The following GRM5 variants were observed in gnomAD, a reference collection of about 807,000 sequenced individuals.
GRM5 encodes metabotropic glutamate receptor 5.
GRM5 carries 19 observed loss-of-function variants against 83.1 expected under a neutral mutation model. The observed-to-expected ratio is 0.23, with a 90% CI of 0.16 to 0.34. The LOEUF is 0.34. Ranked by LOEUF, GRM5 falls within the 10% of genes least tolerant of loss-of-function variation. The probability of loss-of-function intolerance (pLI) is 1.00; values close to 1 mark genes in which losing one functional copy is unlikely to be tolerated. For synonymous variants in GRM5, 675 were observed against 633.6 expected (o/e 1.07, Z -0.98); for missense variants, 1,160 against 1,588.3 (o/e 0.73, Z 4.58).
At chr11:88,509,540 A>G in intron 9 of GRM5, 36 bp from the exon 10 acceptor site, 1 of 1,543,786 alleles carries the variant, frequency 6.5e-7, no homozygotes, top group Non-Finnish European at 8.9e-7. Context: ...TGACTCAGCG[A>G]GGTGCCCAGG....
chr11:89,061,785 G>A (rs369136174), intron 1 of GRM5, among the ~76,000 whole-genome samples: 4 of 152,146 alleles, frequency 2.6e-5, no homozygotes, highest in Non-Finnish European at 5.9e-5. Flanking sequence ...AAATCATCTC[G>A]ACACATCCTT....
In GRM5 at chr11:88,509,307, C is replaced by T. The variant is rs931276676; in HGVS notation, c.2924G>A (p.Gly975Glu). The change falls in exon 10 of 10, where the codon GGG (glycine) becomes GAG (glutamate). Residue 975 changes from glycine (G) to glutamate (E), a missense_variant. This residue lies in a region of GRM5 where 562 missense variants were observed against 532.4 expected (regional missense o/e 1.06). Transcript: ENST00000305447. ...TGCGCAGCCCGCACCGCCCGTGGCC[C>T]CCACGCCCCCAGCGCTCCCGCCTGC... Reference protein sequence around the residue: ...AGAGGSAGGVGATGGAGCAGA... With the variant: ...AGAGGSAGGVEATGGAGCAGA... The T allele has an allele frequency of 1.3e-6, 2 of 1,563,632 alleles. No individual in the cohort carries two copies. Among genetic ancestry groups the T allele is most frequent in the Admixed American group, 1.9e-5 (1 of 53,672 alleles).
chr11:88,913,584 TCTC>T lies in GRM5; in HGVS notation c.662-63432_662-63430del, dbSNP rs150644780. ...TCTTCTTTTTTTTTCCTTCTCTCTC[TCTC>T]TTTTTTTTTTTTTTTTTTAGGTGGA... On this transcript the variant is annotated intron_variant, in intron 2 of 9. Transcript: ENST00000305447. Among the ~76,000 whole-genome samples, 967 of 113,870 alleles carry T rather than the reference TCTC, an allele frequency of 8.5e-3. 10 individuals carry two copies. Among genetic ancestry groups the T allele is most frequent in the African/African-American group, 0.031 (922 of 29,504 alleles). 74.7% of individuals were successfully genotyped at this position (113,870 alleles called of 152,430 possible). A position where few individuals can be genotyped will look rare whatever the true frequency, so the allele number is the denominator to read the frequency against.
chr11:89,062,687 A>G (rs1942018932), intron 1 of GRM5, among the ~76,000 whole-genome samples: 1 of 152,144 alleles, frequency 6.6e-6, no homozygotes, highest in South Asian at 2.1e-4. Context: ...CCACACAGCA[A>G]CTCCTCTGAA....
chr11:88,614,740 C>T (rs1938422831), intron 4 of GRM5, among the ~76,000 whole-genome samples: 1 of 152,128 alleles, frequency 6.6e-6, no homozygotes, highest in Non-Finnish European at 1.5e-5. Flanking sequence ...TAGACCTGCA[C>T]AGCAGAAACT....
chr11:88,845,874 T>C (rs1167199238), intron 3 of GRM5, among the ~76,000 whole-genome samples: 2 of 152,228 alleles, frequency 1.3e-5, no homozygotes. Flanking sequence ...GAATTTGGAA[T>C]AGACATTCTT....
At chr11:88,601,008 G>A (rs949439131) in intron 5 of GRM5, among the ~76,000 whole-genome samples, 5 of 152,046 alleles carry the variant, frequency 3.3e-5, no homozygotes, top group Non-Finnish European at 7.4e-5. Flanking sequence ...AATGTGAATG[G>A]CACCTAATAA....
chr11:88,665,815 G>C (rs1264803778), intron 3 of GRM5, among the ~76,000 whole-genome samples: 1 of 35,880 alleles, frequency 2.8e-5, no homozygotes, highest in African/African-American at 4.0e-5. Context: ...TTGTCAGAAA[G>C]CTATCTAGTC....
intron 8 of GRM5, among the ~76,000 whole-genome samples, chr11:88,530,257 G>A (rs186527980): frequency 6.6e-4 from 101 of 152,020 alleles, no homozygotes; most frequent in African/African-American, 2.4e-3. Context: ...GGAGTTTAAG[G>A]CTCTTCAATC....
At chr11:89,000,773 C>T (rs1465534016) in intron 2 of GRM5, among the ~76,000 whole-genome samples, 1 of 151,876 alleles carries the variant, frequency 6.6e-6, no homozygotes, top group Non-Finnish European at 1.5e-5. Context: ...AAAAAATAAG[C>T]TACAGACTGG....
intron 4 of GRM5, among the ~76,000 whole-genome samples, chr11:88,611,854 C>A (rs1469914086): frequency 6.6e-6 from 1 of 151,736 alleles, no homozygotes; most frequent in African/African-American, 2.4e-5. Context: ...TTGATGTAGG[C>A]ATTTAGTGCT....
At chr11:88,667,048 GAAGT>G (rs1441250402) in intron 3 of GRM5, among the ~76,000 whole-genome samples, 5 of 152,118 alleles carry the variant, frequency 3.3e-5, no homozygotes, top group African/African-American at 7.2e-5. Flanking sequence ...AAAAGTCAGA[GAAGT>G]AAGTTGAAAG....
intron 3 of GRM5, among the ~76,000 whole-genome samples, chr11:88,833,751 T>C (rs964358087): frequency 1.3e-5 from 2 of 152,140 alleles, no homozygotes; most frequent in Admixed American, 6.5e-5. Context: ...TTAAGAAATG[T>C]GGTATATGTA....
intron 4 of GRM5, among the ~76,000 whole-genome samples, chr11:88,618,207 T>TA (rs888662561): frequency 3.0e-4 from 46 of 151,870 alleles, no homozygotes; most frequent in Non-Finnish European, 5.0e-4. Context: ...TGCCTATACT[T>TA]AAAAAAAAAT....
chr11:88,736,707 G>A (rs1385983532), intron 3 of GRM5, among the ~76,000 whole-genome samples: 3 of 151,964 alleles, frequency 2.0e-5, no homozygotes. Flanking sequence ...AGGGGATTCT[G>A]GATAATTCAC....
chr11:88,659,009 G>A (rs570734833), intron 3 of GRM5, among the ~76,000 whole-genome samples: 9 of 152,296 alleles, frequency 5.9e-5, no homozygotes, highest in African/African-American at 2.2e-4. Flanking sequence ...AGCTGTCGGA[G>A]ATGAAGGTTA....
In GRM5 at chr11:88,567,615, C is replaced by A. The variant is rs774762976; in HGVS notation, c.2068G>T (p.Ala690Ser). 6.2e-7 allele frequency: 1 copy of A among 1,614,096 alleles called. No homozygotes were observed. Among genetic ancestry groups the A allele is most frequent in the Non-Finnish European group, 8.5e-7 (1 of 1,179,978 alleles). The stretch of plus-strand genomic sequence containing the variant: ...AAAGCAATCACTAGCTGGGCACAGG[C>A]ACTCATGAATCTGGGCTTTTTGGTA... ...ICTKKPRFMS[A>S]CAQLVIAFIL... Residue 690 changes from alanine to serine, a missense_variant, in exon 8 of 10, where the codon GCC (alanine) becomes TCC (serine). This residue lies in a region of GRM5 where 132 missense variants were observed against 245.5 expected (regional missense o/e 0.54). Coordinates refer to ENST00000305447, the MANE Select transcript of GRM5 (RefSeq NM_001143831.3). The surrounding 1 kb of genome is among the most constrained non-coding windows in gnomAD (Gnocchi z 7.3).
chr11:88,901,935 G>A (rs376164051), intron 2 of GRM5, among the ~76,000 whole-genome samples: 2 of 152,116 alleles, frequency 1.3e-5, no homozygotes, highest in South Asian at 2.1e-4. Context: ...ATAGTTGAGC[G>A]AGGTTTTTCC....
At chr11:88,700,351 AG>A (rs1396318261) in intron 3 of GRM5, among the ~76,000 whole-genome samples, 1 of 152,062 alleles carries the variant, frequency 6.6e-6, no homozygotes, top group Non-Finnish European at 1.5e-5. Context: ...GATGGGCTCA[AG>A]AAGAGAGTAG....
Sources: gnomAD v4.1 joint callset for allele counts (sites outside exome capture counted in the v4.1 genomes callset) on GRCh38, gnomAD v4.1.1 for gene constraint, gnomAD v4.1.1 regional missense constraint, Gnocchi (gnomAD v3.1) non-coding constraint, MANE v1.5 for transcripts, NCBI Gene and HGNC (gene_info 2026-07-23, HGNC 2026-07-21) for gene names.